The following RYR2 variants were observed in gnomAD, a reference collection of about 807,000 sequenced individuals.
The protein encoded by RYR2 is ryanodine receptor 2, also known as cardiac muscle ryanodine receptor-calcium release channel.
A neutral mutation model predicts 601.1 loss-of-function variants in RYR2; 227 were observed. The ratio of observed to expected loss-of-function variants is 0.38; its 90% CI spans 0.34 to 0.42. The LOEUF (loss-of-function observed/expected upper bound fraction) is 0.42, where lower values mean the gene tolerates loss of function less well. Among genes scored for constraint, RYR2 ranks in the 10% least tolerant of loss-of-function variants. RYR2 has a pLI of 1.00. For missense variants in RYR2, 4,646 were observed against 6,156.5 expected (o/e 0.75, Z 8.21); for synonymous variants, 2,223 against 2,175.1 (o/e 1.02, Z -0.61).
chr1:237,366,052 C>T (rs1208939947), intron 5 of RYR2, among the ~76,000 whole-genome samples: 1 of 152,248 alleles, frequency 6.6e-6, no homozygotes. Context: ...GTCACGTAAA[C>T]AGAAAAACAT....
At chr1:237,539,494 G>A (rs1669023359) in intron 25 of RYR2, among the ~76,000 whole-genome samples, 1 of 152,118 alleles carries the variant, frequency 6.6e-6, no homozygotes, top group Non-Finnish European at 1.5e-5. Context: ...ATATCAATTG[G>A]AATTAAATGC....
intron 61 of RYR2, among the ~76,000 whole-genome samples, chr1:237,679,286 C>T (rs1481317235): frequency 6.6e-6 from 1 of 152,108 alleles, no homozygotes; most frequent in Non-Finnish European, 1.5e-5. Flanking sequence ...TTTACAGATG[C>T]TTAATGTGGC....
In RYR2 at chr1:237,367,483, CAT is replaced by C. The variant is rs71751787; in HGVS notation, c.310-2049_310-2048del. Among the ~76,000 whole-genome samples, 15 of 152,176 alleles carry C rather than the reference CAT, an allele frequency of 9.9e-5. No homozygotes were observed. The East Asian group carries it at 2.5e-3, about 25-fold the overall frequency. ...TAGTTCTGAGTTTTTTCAAACAAAA[CAT>C]AAAGTTATTTTGAGAAACTATATGG... is the stretch of plus-strand genomic sequence containing the variant. On this transcript the variant is annotated intron_variant, in intron 5 of 104. Transcript: ENST00000366574.
chr1:237,109,159 A>G (rs1411761041), intron 1 of RYR2, among the ~76,000 whole-genome samples: 1 of 151,830 alleles, frequency 6.6e-6, no homozygotes, highest in Non-Finnish European at 1.5e-5. Context: ...AAATGTGTAT[A>G]TATAAAATAC....
At position 237,591,776 on chromosome 1, in the gene RYR2, A is replaced by G. The variant is rs56229512; in HGVS notation, c.4198A>G (p.Ser1400Gly). The change falls in exon 32 of 105, where the codon AGC becomes GGC. Residue 1400 changes from serine to glycine, a missense_variant. Around this residue, in one of 17 missense-constraint regions of RYR2, gnomAD observed 1,807 missense variants for 2,088.1 expected, o/e 0.87. Coordinates refer to ENST00000366574, the MANE Select transcript of RYR2 (RefSeq NM_001035.3). ...AAGAACAAAGCCAGATTACAGCACA[A>G]GCCATTCTGCAAGACTCACCGAAGA... ...LRRTKPDYST[S>G]HSARLTEDVL... 0.022 allele frequency: 34,734 copies of G among 1,613,390 alleles called. 390 individuals carry two copies. Among genetic ancestry groups the G allele is most frequent in the Non-Finnish European group, 0.025 (29,583 of 1,179,572 alleles).
At chr1:237,809,442 T>G (rs1454908141) in intron 100 of RYR2, among the ~76,000 whole-genome samples, 1 of 152,248 alleles carries the variant, frequency 6.6e-6, no homozygotes, top group Non-Finnish European at 1.5e-5. Context: ...CTAGAACTAC[T>G]GGTTTTTGCT....
At chr1:237,691,193 C>A (rs1047329608) in intron 63 of RYR2, among the ~76,000 whole-genome samples, 6 of 151,982 alleles carry the variant, frequency 3.9e-5, no homozygotes, top group Admixed American at 1.3e-4. Flanking sequence ...TTTTTCATGA[C>A]CTAAACCTAA....
rs1670854992 is a variant in RYR2 at position 237,122,147 on chromosome 1, G to A, written c.48+79578G>A. Among the ~76,000 whole-genome samples, 3 of 152,212 alleles carry A rather than the reference G, an allele frequency of 2.0e-5. 1 individual carries two copies. Among genetic ancestry groups the A allele is most frequent in the South Asian group, 4.1e-4 (2 of 4,828 alleles). On this transcript the variant is annotated intron_variant, in intron 1 of 104. Coordinates refer to ENST00000366574, the MANE Select transcript of RYR2 (RefSeq NM_001035.3). ...TTAAATGTTAGTTAGCAGAACATTG[G>A]GGTTGCGGTTGGAGGCCGGGGATGC...
At chr1:237,692,067 G>A (rs1454813851) in intron 63 of RYR2, among the ~76,000 whole-genome samples, 2 of 152,170 alleles carry the variant, frequency 1.3e-5, no homozygotes, top group African/African-American at 4.8e-5. Flanking sequence ...AGAGGAAGCA[G>A]CATCTGATAA....
intron 1 of RYR2, among the ~76,000 whole-genome samples, chr1:237,085,697 G>T (rs1666248898): frequency 6.6e-6 from 1 of 152,188 alleles, no homozygotes; most frequent in African/African-American, 2.4e-5. Flanking sequence ...CTGGGAACTT[G>T]AGGGGGAGAA....
chr1:237,712,787 G>T (rs12129854), intron 71 of RYR2, among the ~76,000 whole-genome samples: 2,473 of 152,258 alleles, frequency 0.016, 34 homozygotes, highest in Admixed American at 0.026. Flanking sequence ...TTGGGGAGGG[G>T]AGTAGCTTCC....
chr1:237,617,344 T>A lies in RYR2; in HGVS notation c.5774T>A (p.Ile1925Asn). ...DCQVRHRIEAIVAFSDDFVAK... is the reference protein window; with the variant it reads ...DCQVRHRIEANVAFSDDFVAK... ...CAGGTCCGGCACCGGATAGAAGCCA[T>A]TGTAGCCTTTTCAGATGATTTTGTG... The change falls in exon 38 of 105, where the codon ATT becomes AAT. Residue 1925 changes from isoleucine (I) to asparagine (N), a missense_variant. Ile to Asn is a moderately radical substitution (Grantham distance 149, BLOSUM62 -3). Transcript: ENST00000366574. The A allele has an allele frequency of 6.2e-7, 1 of 1,613,952 alleles. No individual in the cohort carries two copies. The highest frequency in any genetic ancestry group is 2.2e-5 in the East Asian group (1 of 44,880).
intron 1 of RYR2, among the ~76,000 whole-genome samples, chr1:237,259,751 C>T (rs552558941): frequency 3.9e-4 from 59 of 152,180 alleles, no homozygotes; most frequent in African/African-American, 1.4e-3. Context: ...TTTCACAGAA[C>T]CGTAAAATGT....
chr1:237,432,826 A>G (rs957597321), intron 12 of RYR2, among the ~76,000 whole-genome samples: 3 of 150,408 alleles, frequency 2.0e-5, no homozygotes, highest in Non-Finnish European at 4.4e-5. Context: ...AAGCAAATTA[A>G]TGCTTCTGGA....
chr1:237,227,462 AGTTTGCTGAT>A (rs1318330666), intron 1 of RYR2, among the ~76,000 whole-genome samples: 1 of 152,202 alleles, frequency 6.6e-6, no homozygotes, highest in Admixed American at 6.5e-5. Context: ...GGGTAGATTC[AGTTTGCTGAT>A]GTGTCAAATA....
chr1:237,759,132 G>T (rs1693200199), intron 82 of RYR2, among the ~76,000 whole-genome samples: 1 of 152,270 alleles, frequency 6.6e-6, no homozygotes, highest in Non-Finnish European at 1.5e-5. Context: ...TGTCACCCAG[G>T]CTGGAGTGCA....
At chr1:237,547,867 G>C (rs1018796627) in intron 25 of RYR2, among the ~76,000 whole-genome samples, 2 of 152,142 alleles carry the variant, frequency 1.3e-5, no homozygotes, top group Non-Finnish European at 2.9e-5. Flanking sequence ...TTATATAGCT[G>C]TGATTTTCTT....
intron 23 of RYR2, among the ~76,000 whole-genome samples, chr1:237,509,351 T>A (rs1558942067): frequency 6.6e-6 from 1 of 152,356 alleles, no homozygotes; most frequent in East Asian, 1.9e-4. Flanking sequence ...TAGATTAAGA[T>A]ATGTGCCTGT....
chr1:237,208,726 T>C (rs904461132), intron 1 of RYR2, among the ~76,000 whole-genome samples: 2 of 151,852 alleles, frequency 1.3e-5, no homozygotes, highest in Non-Finnish European at 1.5e-5. Flanking sequence ...TGGAAACACG[T>C]CAGTTCTACT....
Sources: gnomAD v4.1 joint callset for allele counts (sites outside exome capture counted in the v4.1 genomes callset) on GRCh38, gnomAD v4.1.1 for gene constraint, gnomAD v4.1.1 regional missense constraint, MANE v1.5 for transcripts, NCBI Gene and HGNC (gene_info 2026-07-23, HGNC 2026-07-21) for gene names.